Variants in USH2A observed in about 807,000 individuals in gnomAD.
USH2A encodes usherin, also known as Usher syndrome 2A (autosomal recessive, mild).
A neutral mutation model predicts 538.9 loss-of-function variants in USH2A; 443 were observed. The observed-to-expected ratio is 0.82, with a 90% CI of 0.76 to 0.89. The LOEUF (loss-of-function observed/expected upper bound fraction) is 0.89, where lower values mean the gene tolerates loss of function less well. Among genes scored for constraint, USH2A ranks in the 40% least tolerant of loss-of-function variants. The pLI, the probability that USH2A is intolerant of heterozygous loss-of-function variation, is 0.00. For missense variants in USH2A, 6,633 were observed against 6,324.8 expected, an observed-to-expected ratio of 1.05 and a Z score of -1.65; for synonymous variants, 2,413 against 2,273.5, an observed-to-expected ratio of 1.06 and a Z score of -1.75.
intron 55 of USH2A, among the ~76,000 whole-genome samples, chr1:215,768,998 C>T (rs79445520): frequency 0.018 from 2,799 of 152,222 alleles, 47 homozygotes; most frequent in Non-Finnish European, 0.024. Flanking sequence ...TATGAGGCTA[C>T]GATGTTTATC....
chr1:216,010,612 G>T (rs1170727343), intron 32 of USH2A, among the ~76,000 whole-genome samples: 1 of 151,710 alleles, frequency 6.6e-6, no homozygotes, highest in Non-Finnish European at 1.5e-5. Flanking sequence ...CTTTTCAAGG[G>T]CCTGTTTCCC....
chr1:215,957,839 A>C (rs538790511), intron 37 of USH2A, among the ~76,000 whole-genome samples: 3 of 152,268 alleles, frequency 2.0e-5, no homozygotes, highest in East Asian at 3.9e-4. Flanking sequence ...ACTGACAAGC[A>C]ACTACAAAGT....
chr1:215,947,782 TA>T (rs1184208499), intron 37 of USH2A, among the ~76,000 whole-genome samples: 11 of 152,164 alleles, frequency 7.2e-5, no homozygotes, highest in Admixed American at 6.5e-5. Flanking sequence ...AAAAAGCTTT[TA>T]AAAAAATTAA....
chr1:215,693,535 T>C (rs528491530), intron 61 of USH2A, among the ~76,000 whole-genome samples: 3 of 152,334 alleles, frequency 2.0e-5, no homozygotes, highest in South Asian at 2.1e-4. Flanking sequence ...AGTGTATTAG[T>C]AGTTCCAGTG....
chr1:216,370,700 A>AAAAAAAAAAAAAAAAAC (rs2038696787), intron 3 of USH2A, among the ~76,000 whole-genome samples: 2 of 150,696 alleles, frequency 1.3e-5, no homozygotes, highest in Non-Finnish European at 3.0e-5. Context: ...AAAAAAAAAA[A>AAAAAAAAAAAAAAAAAC]AATACTCAAG....
intron 38 of USH2A, among the ~76,000 whole-genome samples, chr1:215,907,814 A>G (rs2102476160): frequency 6.6e-6 from 1 of 152,142 alleles, no homozygotes; most frequent in African/African-American, 2.4e-5. Flanking sequence ...GAAAGATCCT[A>G]TAAAAACTGG....
intron 23 of USH2A, 27 bp from the exon 24 acceptor site, chr1:216,086,847 C>G: frequency 6.5e-7 from 1 of 1,540,270 alleles, no homozygotes; most frequent in Non-Finnish European, 9.0e-7. Context: ...GAGAAATACA[C>G]CTTCACCAGG....
At chr1:215,932,039 T>A (rs759460049) in intron 38 of USH2A, among the ~76,000 whole-genome samples, 9 of 151,978 alleles carry the variant, frequency 5.9e-5, no homozygotes, top group Non-Finnish European at 1.3e-4. Flanking sequence ...GAGCATTTTA[T>A]TTTGCCCAAC....
chr1:215,637,695 C>A lies in USH2A; in HGVS notation c.15052+1460G>T, dbSNP rs539759368. On this transcript the variant is annotated intron_variant, in intron 69 of 71. Transcript: ENST00000307340. Reference sequence around the variant, plus strand: ...TAAAGTTTGGAAACATAGAATAATACGTTATTTTTACAAATTGAAACTATC... The same window carrying A: ...TAAAGTTTGGAAACATAGAATAATAAGTTATTTTTACAAATTGAAACTATC... Among the ~76,000 whole-genome samples the A allele has an allele frequency of 3.3e-5, 5 of 152,040 alleles. No homozygotes were observed. In the South Asian group the frequency reaches 1.0e-3, roughly 32 times the overall value.
intron 48 of USH2A, 88 bp from the exon 49 acceptor site, chr1:215,813,992 G>T (rs930375409): frequency 2.1e-6 from 3 of 1,421,006 alleles, no homozygotes; most frequent in African/African-American, 2.8e-5. Flanking sequence ...TTATTTTCTT[G>T]TAAGGCATAG....
chr1:216,191,939 A>G (rs2034724188), intron 19 of USH2A, among the ~76,000 whole-genome samples: 1 of 152,030 alleles, frequency 6.6e-6, no homozygotes, highest in Non-Finnish European at 1.5e-5. Flanking sequence ...TTTACAGATG[A>G]TTATTATAAA....
chr1:216,038,945 C>T (rs540586426), intron 32 of USH2A, among the ~76,000 whole-genome samples: 18 of 152,066 alleles, frequency 1.2e-4, no homozygotes, highest in East Asian at 3.9e-4. Flanking sequence ...CTATCATTTA[C>T]GAACATAATA....
chr1:216,053,629 G>A (rs2030873679), intron 30 of USH2A, among the ~76,000 whole-genome samples: 1 of 152,040 alleles, frequency 6.6e-6, no homozygotes. Context: ...CATTCAATAA[G>A]CATAAAGTAA....
chr1:215,833,766 G>T (rs1663396430), intron 47 of USH2A, among the ~76,000 whole-genome samples: 1 of 151,790 alleles, frequency 6.6e-6, no homozygotes, highest in Admixed American at 6.6e-5. Flanking sequence ...AAATCATAAG[G>T]TAGAGAAGAA....
chr1:215,658,939 C>T (rs538800530), intron 64 of USH2A, among the ~76,000 whole-genome samples: 18 of 152,218 alleles, frequency 1.2e-4, no homozygotes, highest in East Asian at 3.9e-4. Flanking sequence ...TTAACATCTC[C>T]GTGAAGGATA....
At chr1:216,373,697 T>TCAATGACC (rs2038759283) in intron 3 of USH2A, among the ~76,000 whole-genome samples, 1 of 152,162 alleles carries the variant, frequency 6.6e-6, no homozygotes, top group South Asian at 2.1e-4. Context: ...TCAAGTTTTG[T>TCAATGACC]CAATGACCCC....
intron 46 of USH2A, among the ~76,000 whole-genome samples, chr1:215,839,386 A>G (rs1663615136): frequency 6.6e-6 from 1 of 152,190 alleles, no homozygotes; most frequent in South Asian, 2.1e-4. Context: ...AATCGTATTG[A>G]TTCCTCATAA....
chr1:216,101,290 A>T (rs1331922175), intron 21 of USH2A, among the ~76,000 whole-genome samples: 1 of 152,236 alleles, frequency 6.6e-6, no homozygotes, highest in African/African-American at 2.4e-5. Context: ...TTAACATATA[A>T]AACATTTTAA....
At chr1:215,627,281 G>A (rs1023554506) in intron 71 of USH2A, among the ~76,000 whole-genome samples, 12 of 152,094 alleles carry the variant, frequency 7.9e-5, no homozygotes, top group Admixed American at 5.9e-4. Context: ...TGAAAGAAGT[G>A]GAGGTGAATA....
Sources: allele counts gnomAD v4.1 joint callset (sites outside exome capture counted in the v4.1 genomes callset), GRCh38; gene constraint gnomAD v4.1.1; transcripts MANE v1.5; gene names NCBI Gene and HGNC (gene_info 2026-07-23, HGNC 2026-07-21).